The following CHSY3 variants were observed in gnomAD, a reference collection of about 807,000 sequenced individuals.
CHSY3 encodes N-acetylgalactosaminyl-proteoglycan 3-beta-glucuronosyltransferase 3.
CHSY3 carries 35 observed loss-of-function variants against 67.2 expected under a neutral mutation model. The observed-to-expected ratio is 0.52, with a 90% CI of 0.40 to 0.69. CHSY3 has a LOEUF of 0.69. Ranked by LOEUF, CHSY3 falls within the 30% of genes least tolerant of loss-of-function variation. The probability of loss-of-function intolerance (pLI) is 0.00; values close to 1 mark genes in which losing one functional copy is unlikely to be tolerated. For synonymous variants in CHSY3, 474 were observed against 434.7 expected (o/e 1.09, Z -1.12); for missense variants, 1,069 against 1,138.5 (o/e 0.94, Z 0.88).
intron 2 of CHSY3, among the ~76,000 whole-genome samples, chr5:130,122,774 CTTGTTA>C (rs1768089022): frequency 1.3e-5 from 2 of 152,152 alleles, no homozygotes; most frequent in Non-Finnish European, 2.9e-5. Context: ...CAGGAATAAG[CTTGTTA>C]AAGCCTAAGT....
chr5:129,950,587 A>C (rs1430961880), intron 2 of CHSY3, among the ~76,000 whole-genome samples: 1 of 152,216 alleles, frequency 6.6e-6, no homozygotes, highest in African/African-American at 2.4e-5. Context: ...CAGGACACAA[A>C]ATGAATATAC....
At chr5:129,992,436 T>C (rs1173690465) in intron 2 of CHSY3, among the ~76,000 whole-genome samples, 3 of 152,192 alleles carry the variant, frequency 2.0e-5, no homozygotes, top group African/African-American at 7.2e-5. Context: ...ATTATTGCTC[T>C]TTTTAATTAC....
intron 2 of CHSY3, among the ~76,000 whole-genome samples, chr5:129,970,974 G>A (rs2149613725): frequency 6.6e-6 from 1 of 151,890 alleles, no homozygotes; most frequent in Non-Finnish European, 1.5e-5. Flanking sequence ...TTTTCATAAA[G>A]CTATGATATT....
intron 2 of CHSY3, among the ~76,000 whole-genome samples, chr5:130,139,054 C>G (rs562560058): frequency 1.3e-5 from 2 of 152,300 alleles, no homozygotes; most frequent in South Asian, 4.1e-4. Flanking sequence ...TAGCAAGTTA[C>G]TGTACTGAAT....
At chr5:130,162,129 T>G (rs1162247031) in intron 2 of CHSY3, among the ~76,000 whole-genome samples, 2 of 151,962 alleles carry the variant, frequency 1.3e-5, no homozygotes, top group Admixed American at 1.3e-4. Flanking sequence ...GGTCAATTAA[T>G]TTTACCCCTC....
At chr5:129,940,968 C>A (rs944772363) in intron 2 of CHSY3, among the ~76,000 whole-genome samples, 2 of 152,006 alleles carry the variant, frequency 1.3e-5, no homozygotes, top group African/African-American at 2.4e-5. Flanking sequence ...CCTATTATCC[C>A]AGCACTTTGG....
intron 2 of CHSY3, among the ~76,000 whole-genome samples, chr5:129,981,963 ATTC>A (rs1763031315): frequency 6.6e-6 from 1 of 152,102 alleles, no homozygotes; most frequent in African/African-American, 2.4e-5. Flanking sequence ...GCATGCAATT[ATTC>A]TTCTTTAACC....
intron 2 of CHSY3, among the ~76,000 whole-genome samples, chr5:129,973,779 T>C (rs1762713159): frequency 4.6e-5 from 7 of 152,158 alleles, no homozygotes; most frequent in Admixed American, 4.6e-4. Flanking sequence ...GTTTATCATT[T>C]TGGAGAAGTC....
chr5:130,134,162 G>T (rs1403605543), intron 2 of CHSY3, among the ~76,000 whole-genome samples: 2 of 152,200 alleles, frequency 1.3e-5, no homozygotes, highest in Non-Finnish European at 2.9e-5. Flanking sequence ...GGCAGATTTG[G>T]ATTCAAACCC....
intron 2 of CHSY3, among the ~76,000 whole-genome samples, chr5:130,072,500 C>T (rs1766108151): frequency 6.6e-6 from 1 of 151,956 alleles, no homozygotes; most frequent in South Asian, 2.1e-4. Context: ...GGCTTTCTAT[C>T]CTCTTCCGTT....
At chr5:129,999,584 C>A (rs188296718) in intron 2 of CHSY3, among the ~76,000 whole-genome samples, 45 of 152,230 alleles carry the variant, frequency 3.0e-4, no homozygotes, top group Non-Finnish European at 5.0e-4. Flanking sequence ...CAAGTTTCCG[C>A]ATTATCAGAC....
At chr5:129,976,960 T>C (rs1762829927) in intron 2 of CHSY3, among the ~76,000 whole-genome samples, 1 of 151,588 alleles carries the variant, frequency 6.6e-6, no homozygotes, top group Non-Finnish European at 1.5e-5. Flanking sequence ...AGATGTTCAT[T>C]TTTTAAGTTT....
intron 2 of CHSY3, among the ~76,000 whole-genome samples, chr5:130,076,509 T>G (rs750021727): frequency 4.6e-5 from 7 of 151,988 alleles, no homozygotes; most frequent in Non-Finnish European, 1.0e-4. Flanking sequence ...TAGTAAATGT[T>G]TGTGTATCAA....
chr5:130,015,288 CTG>C (rs1192364530), intron 2 of CHSY3, among the ~76,000 whole-genome samples: 1 of 152,112 alleles, frequency 6.6e-6, no homozygotes. Flanking sequence ...GCCTGTGGAA[CTG>C]TGAGTGAATT....
chr5:130,169,810 A>T (rs1769849886), intron 2 of CHSY3, among the ~76,000 whole-genome samples: 1 of 152,078 alleles, frequency 6.6e-6, no homozygotes, highest in African/African-American at 2.4e-5. Flanking sequence ...CATATGAATT[A>T]GAAAGAAGGT....
intron 2 of CHSY3, among the ~76,000 whole-genome samples, chr5:130,002,707 C>G (rs1361096809): frequency 6.6e-6 from 1 of 151,950 alleles, no homozygotes; most frequent in Admixed American, 6.6e-5. Flanking sequence ...TTAATTTGTT[C>G]CACTATAGTA....
chr5:130,024,757 A>G lies in CHSY3; in HGVS notation c.1086+116397A>G, dbSNP rs1024870778. ...AAGCAGCGTTCATAAATGATCTACA[A>G]TTTGAGATAGACTAATTCAGACTGC... On this transcript the variant is annotated intron_variant, in intron 2 of 2. Coordinates refer to ENST00000305031, the MANE Select transcript of CHSY3 (RefSeq NM_175856.5). Among the ~76,000 whole-genome samples the G allele has an allele frequency of 1.2e-4, 19 of 152,192 alleles. 1 individual carries two copies. The highest frequency in any genetic ancestry group is 4.6e-4 in the African/African-American group (19 of 41,466).
intron 1 of CHSY3, among the ~76,000 whole-genome samples, chr5:129,906,438 G>T (rs1040740331): frequency 1.3e-5 from 2 of 152,180 alleles, no homozygotes; most frequent in Admixed American, 6.5e-5. Context: ...CACTAGTATT[G>T]GTTCCTTTCC....
intron 2 of CHSY3, among the ~76,000 whole-genome samples, chr5:130,057,179 C>T (rs1000145189): frequency 2.0e-5 from 3 of 151,884 alleles, no homozygotes; most frequent in Non-Finnish European, 2.9e-5. Flanking sequence ...CCACCTCAGC[C>T]TCCCAAAGTG....
Sources: allele counts gnomAD v4.1 joint callset (sites outside exome capture counted in the v4.1 genomes callset), GRCh38; gene constraint gnomAD v4.1.1; transcripts MANE v1.5; gene names NCBI Gene and HGNC (gene_info 2026-07-23, HGNC 2026-07-21).